SUGCT: variants seen among roughly 807,000 people sequenced by gnomAD.
SUGCT encodes the protein succinyl-CoA:glutarate CoA-transferase.
In SUGCT, 41 loss-of-function variants were observed where a neutral mutation model predicts 55.0. The observed-to-expected ratio is 0.74, with a 90% confidence interval of 0.58 to 0.97. The LOEUF (loss-of-function observed/expected upper bound fraction) is 0.97. SUGCT is among the 50% of genes least tolerant of loss of function. SUGCT has a pLI of 0.00. For missense variants in SUGCT, 568 were observed against 547.8 expected, an observed-to-expected ratio of 1.04 and a Z score of -0.37; for synonymous variants, 187 against 200.4, an observed-to-expected ratio of 0.93 and a Z score of 0.56.
the SUGCT span, among the ~76,000 whole-genome samples, chr7:40,925,984 C>T: frequency 1.6e-4 from 24 of 152,048 alleles, no homozygotes; most frequent in East Asian, 3.9e-3. Context: ...ATCCTAGCTA[C>T]TTAGGAGGCC....
rs117696235 is a variant in SUGCT, at chr7:40,482,088, T to C, written c.987-14196T>C. Among the ~76,000 whole-genome samples the C allele has an allele frequency of 8.2e-3, 1,247 of 152,308 alleles. 48 individuals are homozygous for C. Among genetic ancestry groups the C allele is most frequent in the Admixed American group, 0.059 (901 of 15,290 alleles). Reference sequence around the variant, plus strand: ...ATGATACATATTTAAAAGATTTCCCTTTCCAAGAATGGATTGTAGTGAAAT... The same window carrying C: ...ATGATACATATTTAAAAGATTTCCCCTTCCAAGAATGGATTGTAGTGAAAT... On this transcript the variant is annotated intron_variant, in intron 11 of 13. Transcript: ENST00000335693.
chr7:40,327,511 G>T (rs889418115), intron 9 of SUGCT, among the ~76,000 whole-genome samples: 2 of 152,178 alleles, frequency 1.3e-5, no homozygotes, highest in African/African-American at 4.8e-5. Flanking sequence ...AAGAATAAAT[G>T]CACTTACAAC....
At chr7:40,362,877 C>T (rs1798223698) in intron 9 of SUGCT, among the ~76,000 whole-genome samples, 1 of 151,928 alleles carries the variant, frequency 6.6e-6, no homozygotes, top group South Asian at 2.1e-4. Context: ...TTCTAAAGTG[C>T]AATTTTGTCT....
intron 9 of SUGCT, among the ~76,000 whole-genome samples, chr7:40,333,172 A>G (rs949475125): frequency 7.2e-5 from 11 of 152,174 alleles, no homozygotes; most frequent in African/African-American, 2.7e-4. Context: ...GGGTTAGGAA[A>G]TCTTTAGGAG....
chr7:40,904,617 T>C, the SUGCT span, among the ~76,000 whole-genome samples: 1 of 152,104 alleles, frequency 6.6e-6, no homozygotes, highest in African/African-American at 2.4e-5. Context: ...CTTCTGGAGA[T>C]GGATGGTGAT....
chr7:40,664,873 G>A (rs1440939060), intron 12 of SUGCT, among the ~76,000 whole-genome samples: 6 of 151,762 alleles, frequency 4.0e-5, no homozygotes, highest in South Asian at 2.1e-4. Flanking sequence ...CCAGCTGCTC[G>A]GGAGGCTGAG....
intron 12 of SUGCT, among the ~76,000 whole-genome samples, chr7:40,632,306 C>A (rs957239022): frequency 6.6e-6 from 1 of 151,918 alleles, no homozygotes; most frequent in Admixed American, 6.6e-5. Context: ...GAATTACGGC[C>A]TTAGACAATG....
intron 12 of SUGCT, among the ~76,000 whole-genome samples, chr7:40,563,295 C>T (rs768934051): frequency 6.6e-6 from 1 of 152,220 alleles, no homozygotes; most frequent in South Asian, 2.1e-4. Context: ...GTAGCTGCTT[C>T]TTCCTCCCAT....
chr7:40,498,076 A>C (rs533803148), intron 12 of SUGCT, among the ~76,000 whole-genome samples: 45 of 152,210 alleles, frequency 3.0e-4, no homozygotes, highest in African/African-American at 1.1e-3. Flanking sequence ...GGAACTACAA[A>C]AATTTTTGTT....
intron 12 of SUGCT, among the ~76,000 whole-genome samples, chr7:40,532,699 C>T (rs894619664): frequency 3.3e-5 from 5 of 151,844 alleles, no homozygotes; most frequent in South Asian, 2.1e-4. Flanking sequence ...GAAGGTTTTT[C>T]GTTTGTTTTG....
the SUGCT span, among the ~76,000 whole-genome samples, chr7:40,993,462 C>A: frequency 6.6e-6 from 1 of 152,136 alleles, no homozygotes; most frequent in African/African-American, 2.4e-5. Context: ...CTGGCCAAAG[C>A]CTGGGTGGAG....
chr7:40,394,589 T>C (rs1785617085), intron 9 of SUGCT, among the ~76,000 whole-genome samples: 1 of 152,234 alleles, frequency 6.6e-6, no homozygotes, highest in South Asian at 2.1e-4. Context: ...CATGCAGTGT[T>C]AACTATCGTC....
chr7:40,180,371 G>A (rs1375000838), intron 1 of SUGCT, among the ~76,000 whole-genome samples: 10 of 151,998 alleles, frequency 6.6e-5, no homozygotes, highest in East Asian at 5.8e-4. Flanking sequence ...ACCCGCCTCC[G>A]CCTCCCAAAG....
intron 6 of SUGCT, among the ~76,000 whole-genome samples, chr7:40,196,376 G>T (rs1584315153): frequency 6.6e-6 from 1 of 152,286 alleles, no homozygotes; most frequent in African/African-American, 2.4e-5. Flanking sequence ...TGATCTTCCA[G>T]GCAATAGACT....
the SUGCT span, among the ~76,000 whole-genome samples, chr7:40,912,000 T>G: frequency 1.3e-5 from 2 of 152,172 alleles, no homozygotes; most frequent in Non-Finnish European, 2.9e-5. Flanking sequence ...TATTTCGTCC[T>G]AAGCACTCTT....
chr7:40,675,518 G>A (rs1172074126), intron 12 of SUGCT, among the ~76,000 whole-genome samples: 1 of 152,202 alleles, frequency 6.6e-6, no homozygotes, highest in Non-Finnish European at 1.5e-5. Context: ...AGAGACAAAA[G>A]CACAACACTG....
intron 9 of SUGCT, among the ~76,000 whole-genome samples, chr7:40,443,113 A>G (rs955916984): frequency 2.0e-5 from 3 of 152,134 alleles, no homozygotes; most frequent in African/African-American, 7.2e-5. Flanking sequence ...TTCTTAATCC[A>G]GTCTATCATT....
intron 12 of SUGCT, among the ~76,000 whole-genome samples, chr7:40,543,054 C>T (rs909979677): frequency 1.3e-5 from 2 of 152,092 alleles, no homozygotes; most frequent in African/African-American, 4.8e-5. Flanking sequence ...GTATAGAAGC[C>T]CACCAGTGAA....
At chr7:40,416,267 C>G (rs1786997012) in intron 9 of SUGCT, among the ~76,000 whole-genome samples, 1 of 151,548 alleles carries the variant, frequency 6.6e-6, no homozygotes, top group Non-Finnish European at 1.5e-5. Context: ...TATGTAATCA[C>G]CTTGTACAGT....
Sources: allele counts gnomAD v4.1 joint callset (sites outside exome capture counted in the v4.1 genomes callset), GRCh38; gene constraint gnomAD v4.1.1; transcripts MANE v1.5; gene names NCBI Gene and HGNC (gene_info 2026-07-23, HGNC 2026-07-21).